The following ELMOD2 variants were observed in gnomAD, a reference collection of about 807,000 sequenced individuals.
The protein encoded by ELMOD2 is ELMO domain containing 2.
In ELMOD2, 28 loss-of-function variants were observed where a neutral mutation model predicts 41.0. The ratio of observed to expected loss-of-function variants is 0.68; its 90% CI spans 0.51 to 0.94. The LOEUF (loss-of-function observed/expected upper bound fraction) is 0.94, where lower values mean the gene tolerates loss of function less well. Ranked by LOEUF, ELMOD2 falls within the 40% of genes least tolerant of loss-of-function variation. The pLI is 0.00. For synonymous variants in ELMOD2, 106 were observed against 107.2 expected (o/e 0.99, Z 0.07); for missense variants, 333 against 343.1 (o/e 0.97, Z 0.23).
At position 140,537,404 on chromosome 4, in the gene ELMOD2, A is replaced by G. The variant is rs772715383; in HGVS notation, c.270-8A>G. 8 of 1,494,400 alleles carry G rather than the reference A, an allele frequency of 5.4e-6. No individual in the cohort carries two copies. Among genetic ancestry groups the G allele is most frequent in the Middle Eastern group, 3.5e-4 (2 of 5,788 alleles). The allele number at this position is 1,494,400 out of a possible 1,614,324, so 92.6% of individuals were successfully genotyped here. A position where few individuals can be genotyped will look rare whatever the true frequency, so the allele number is the denominator to read the frequency against. On this transcript the variant is annotated splice_polypyrimidine_tract_variant and splice_region_variant and intron_variant, in intron 4 of 8. Transcript: ENST00000323570. ...TATGCTTTTTAAAAATAATTTTATC[A>G]TTTTTAGTTTTAAAATATGCATGAA...
intron 8 of ELMOD2, among the ~76,000 whole-genome samples, chr4:140,544,772 A>G (rs975402603): frequency 5.3e-5 from 8 of 152,074 alleles, no homozygotes; most frequent in Non-Finnish European, 1.2e-4. Context: ...TGGCCTGAAC[A>G]CTGTTCCAGC....
At chr4:140,529,502 A>G (rs1229921528) in intron 3 of ELMOD2, among the ~76,000 whole-genome samples, 1 of 152,126 alleles carries the variant, frequency 6.6e-6, no homozygotes, top group Non-Finnish European at 1.5e-5. Flanking sequence ...TAACCTTGAC[A>G]TCTCTCAGCC....
intron 3 of ELMOD2, among the ~76,000 whole-genome samples, chr4:140,535,066 C>T (rs1734870101): frequency 6.6e-6 from 1 of 151,576 alleles, no homozygotes; most frequent in African/African-American, 2.4e-5. Context: ...TGTATCTTTA[C>T]TGATTGTTAT....
Position 140,553,660 on chromosome 4 carries a change from A to AT in ELMOD2, c.*3290dup, listed in dbSNP as rs973809322. On this transcript the variant is annotated 3_prime_UTR_variant, in exon 9 of 9. Transcript: ENST00000323570. ...CACTTGGACACTTAAAGGAATTGGG[A>AT]TTTTTGTCTACTTTGGATAAGGCAG... 18 of 152,122 alleles carry AT rather than the reference A, an allele frequency of 1.2e-4. No individual in the cohort carries two copies. Among genetic ancestry groups the AT allele is most frequent in the African/African-American group, 4.3e-4 (18 of 41,422 alleles). 9.4% of individuals were successfully genotyped at this position (152,122 alleles called of 1,614,324 possible).
intron 8 of ELMOD2, among the ~76,000 whole-genome samples, chr4:140,548,975 T>A (rs541809196): frequency 4.3e-4 from 66 of 152,272 alleles, no homozygotes; most frequent in African/African-American, 1.5e-3. Flanking sequence ...TGTGAAACCA[T>A]CTCCATGATC....
At chr4:140,526,742 C>T (rs1199030863) in intron 2 of ELMOD2, 2 of 152,136 alleles carry the variant, frequency 1.3e-5, no homozygotes, top group Non-Finnish European at 2.9e-5. Context: ...TTTTAATTTG[C>T]CCTTTTGACT....
Position 140,547,880 on chromosome 4 carries a change from A to G in ELMOD2, c.737-2350A>G, listed in dbSNP as rs191969218. ...CTCAAAAGGACAAAATATGTGCATCATGGAAAACAGCTCTTTTCCATCACT... is the reference window on the plus strand; with the variant it reads ...CTCAAAAGGACAAAATATGTGCATCGTGGAAAACAGCTCTTTTCCATCACT... On this transcript the variant is annotated intron_variant, in intron 8 of 8. Coordinates refer to ENST00000323570, the MANE Select transcript of ELMOD2 (RefSeq NM_153702.4). 3.3e-5 allele frequency among the ~76,000 whole-genome samples: 5 copies of G among 152,318 alleles called. No homozygotes were observed. In the East Asian group the frequency reaches 7.7e-4, roughly 24 times the overall value.
chr4:140,540,441 A>G (rs978295079), intron 6 of ELMOD2, 140 bp downstream of exon 6: 35 of 1,175,278 alleles, frequency 3.0e-5, no homozygotes, highest in Non-Finnish European at 3.9e-5. Flanking sequence ...AGTATTTGCT[A>G]ATGTGTTGGC....
intron 8 of ELMOD2, 99 bp downstream of exon 8, chr4:140,543,685 ATATAACT>A (rs1284215446): frequency 4.1e-6 from 4 of 968,550 alleles, no homozygotes; most frequent in Non-Finnish European, 4.2e-6. Context: ...TCTGTGAAGT[ATATAACT>A]TATGTTTATC....
At chr4:140,526,010 G>T (rs2110813154) in intron 2 of ELMOD2, among the ~76,000 whole-genome samples, 1 of 152,234 alleles carries the variant, frequency 6.6e-6, no homozygotes, top group Admixed American at 6.5e-5. Flanking sequence ...GTGGTCTCTA[G>T]GAAAGATTAT....
chr4:140,533,245 G>A (rs1163309820), intron 3 of ELMOD2, among the ~76,000 whole-genome samples: 1 of 152,102 alleles, frequency 6.6e-6, no homozygotes, highest in Non-Finnish European at 1.5e-5. Context: ...TAAAGAAATG[G>A]AAGGAACCTA....
In ELMOD2 at chr4:140,525,519, T is replaced by C. The variant is rs1179314322; in HGVS notation, c.91T>C (p.Leu31=). The C allele has an allele frequency of 6.2e-7, 1 of 1,613,958 alleles. No homozygotes were observed. The highest frequency in any genetic ancestry group is 1.1e-5 in the South Asian group (1 of 91,052). The stretch of plus-strand genomic sequence containing the variant: ...ACGACAGATGACTGGGAAGTGTGAA[T>C]TGCAGCGAATATTTGATACCTATGT... The part of the protein sequence containing the change: ...LLRQMTGKCE[L]QRIFDTYVGA... Residue 31 remains leucine (L), a synonymous_variant, in exon 2 of 9, where the codon TTG becomes CTG. Coordinates refer to ENST00000323570, the MANE Select transcript of ELMOD2 (RefSeq NM_153702.4).
At chr4:140,546,229 C>T (rs907204057) in intron 8 of ELMOD2, among the ~76,000 whole-genome samples, 26 of 151,992 alleles carry the variant, frequency 1.7e-4, no homozygotes, top group Admixed American at 9.2e-4. Context: ...AGCAAACTAT[C>T]GCAAGGACAG....
intron 3 of ELMOD2, among the ~76,000 whole-genome samples, chr4:140,532,367 A>G (rs1186603461): frequency 6.6e-6 from 1 of 152,024 alleles, no homozygotes; most frequent in Non-Finnish European, 1.5e-5. Flanking sequence ...GGGTTTTACC[A>G]TGTTTCCCAG....
Position 140,540,300 on chromosome 4 carries a change from G to T in ELMOD2, c.532G>T (p.Val178Leu). ...GMGILGLINL[V>L]YFSENYTSEA... ...GGGCATACTTGGGTTAATCAATCTT[G>T]TGTAAGTGAAAGTAAACTTTCTTTT... Residue 178 changes from valine (V) to leucine (L), a missense_variant and splice_region_variant, in exon 6 of 9, where the codon GTG (valine) becomes TTG (leucine). Val to Leu is a conservative substitution (Grantham distance 32). Transcript: ENST00000323570. The T allele has an allele frequency of 1.9e-6, 3 of 1,611,956 alleles. No individual in the cohort carries two copies. Among genetic ancestry groups the T allele is most frequent in the Non-Finnish European group, 2.5e-6 (3 of 1,179,440 alleles).
rs1471392138 is a variant in ELMOD2, at chr4:140,551,171, T to C, written c.*796T>C. 1 of 152,128 alleles carries C rather than the reference T, an allele frequency of 6.6e-6. No individual in the cohort carries two copies. The highest frequency in any genetic ancestry group is 1.9e-4 in the East Asian group (1 of 5,202). The allele number at this position is 152,128 out of a possible 1,614,324, so 9.4% of individuals were successfully genotyped here. On this transcript the variant is annotated 3_prime_UTR_variant, in exon 9 of 9. Transcript: ENST00000323570. ...AACCGCTCTACCTACATATGAAACT[T>C]CTCTACCTATGTATGTTTACGAAAA...
At chr4:140,537,206 TC>T (rs1369434737) in intron 4 of ELMOD2, among the ~76,000 whole-genome samples, 1 of 152,160 alleles carries the variant, frequency 6.6e-6, no homozygotes, top group African/African-American at 2.4e-5. Context: ...AGTTTGCCAT[TC>T]CTACCATGTC....
intron 8 of ELMOD2, among the ~76,000 whole-genome samples, chr4:140,546,353 G>GGC (rs1249789147): frequency 6.6e-6 from 1 of 151,972 alleles, no homozygotes; most frequent in Non-Finnish European, 1.5e-5. Context: ...GGGGGAGTGG[G>GGC]GAGGGTTAGC....
chr4:140,542,485 G>C, intron 6 of ELMOD2, 89 bp from the exon 7 acceptor site: 2 of 937,834 alleles, frequency 2.1e-6, no homozygotes, highest in Non-Finnish European at 3.3e-6. Context: ...CTAGGACTAT[G>C]ATTTTGACAG....
Sources: allele counts gnomAD v4.1 joint callset (sites outside exome capture counted in the v4.1 genomes callset), GRCh38; gene constraint gnomAD v4.1.1; transcripts MANE v1.5; gene names NCBI Gene and HGNC (gene_info 2026-07-23, HGNC 2026-07-21).